HTRA3: variants seen among roughly 807,000 people sequenced by gnomAD.
The protein encoded by HTRA3 is HtrA serine peptidase 3.
A neutral mutation model predicts 43.2 loss-of-function variants in HTRA3; 41 were observed. The observed-to-expected ratio is 0.95, with a 90% CI of 0.74 to 1.23. HTRA3 has a LOEUF of 1.23. HTRA3 is among the 50% of genes most tolerant of loss of function. The pLI is 0.00. For synonymous variants in HTRA3, 295 were observed against 287.9 expected, an observed-to-expected ratio of 1.02 and a Z score of -0.25; for missense variants, 628 against 647.1, an observed-to-expected ratio of 0.97 and a Z score of 0.32.
intron 8 of HTRA3, among the ~76,000 whole-genome samples, chr4:8,304,662 T>G (rs949712686): frequency 5.8e-5 from 8 of 137,286 alleles, no homozygotes; most frequent in Non-Finnish European, 1.1e-4. Context: ...TTTTTTTTTT[T>G]TTTTTTTTTT....
rs944795556 is a variant in HTRA3, at chr4:8,279,911, C to T, written c.386-2526C>T. ...ACTTGACCCTTGCCCCCAGCTGAAC[C>T]ACTGTGTCTCCAGCAGCTGTCACAG... On this transcript the variant is annotated intron_variant, in intron 1 of 8. Transcript: ENST00000307358. The surrounding 1 kb of genome is among the most constrained non-coding windows in gnomAD (Gnocchi z 7.4). Among the ~76,000 whole-genome samples the T allele has an allele frequency of 6.6e-6, 1 of 152,222 alleles. No homozygotes were observed. The highest frequency in any genetic ancestry group is 1.5e-5 in the Non-Finnish European group (1 of 68,038).
intron 1 of HTRA3, among the ~76,000 whole-genome samples, chr4:8,274,550 C>T (rs1712441199): frequency 1.3e-5 from 2 of 152,244 alleles, no homozygotes; most frequent in South Asian, 2.1e-4. Context: ...TCTCCTCTAA[C>T]CCTCTGGGCC....
intron 3 of HTRA3, among the ~76,000 whole-genome samples, chr4:8,287,526 G>C (rs4557246): frequency 0.61 from 92,056 of 151,362 alleles, 28,511 homozygotes; most frequent in East Asian, 0.82. Flanking sequence ...GGGAAGCAGG[G>C]ACATCTTCTC....
Position 8,304,211 on chromosome 4 carries a change from C to T in HTRA3, c.1128C>T (p.Asn376=). 1 of 1,614,170 alleles carries T rather than the reference C, an allele frequency of 6.2e-7. No homozygotes were observed. Among genetic ancestry groups the T allele is most frequent in the Non-Finnish European group, 8.5e-7 (1 of 1,180,024 alleles). The change falls in exon 8 of 9, where the codon AAC becomes AAT. Residue 376 remains asparagine, a synonymous_variant. Transcript: ENST00000307358. ...TGGTGGATGAGCTGAAGGCCAGCAA[C>T]CCGGACTTCCCAGAGGTCAGCAGTG... ...PSLVDELKAS[N]PDFPEVSSGI...
Position 8,295,644 on chromosome 4 carries a change from G to A in HTRA3, c.1051+1443G>A. The A allele has an allele frequency of 7.4e-7, 1 of 1,356,038 alleles. No homozygotes were observed. The highest frequency in any genetic ancestry group is 9.5e-7 in the Non-Finnish European group (1 of 1,047,410). 84.0% of individuals were successfully genotyped at this position (1,356,038 alleles called of 1,614,324 possible). On this transcript the variant is annotated intron_variant, in intron 6 of 8. Coordinates refer to ENST00000307358, the MANE Select transcript of HTRA3 (RefSeq NM_053044.5). This position sits in a 1 kb window ranked among gnomAD's most constrained non-coding sequence, Gnocchi z 6.9. ...GTGCCCACCTCCTGGCCAACGCCCA[G>A]GCCTGACTCAGCAACTCACACTTCC...
intron 6 of HTRA3, among the ~76,000 whole-genome samples, chr4:8,301,878 T>A (rs1363176499): frequency 1.3e-5 from 2 of 152,236 alleles, no homozygotes; most frequent in Admixed American, 1.3e-4. Flanking sequence ...TTATATAAAA[T>A]GAAAATTCTA....
chr4:8,291,266 G>A, intron 3 of HTRA3, 104 bp from the exon 4 acceptor site: 1 of 987,726 alleles, frequency 1.0e-6, no homozygotes, highest in Non-Finnish European at 1.6e-6. Flanking sequence ...TTGCACAGAT[G>A]TGCATGCCTT....
At chr4:8,302,326 C>T (rs1578808441) in intron 6 of HTRA3, 137 bp from the exon 7 acceptor site, 1 of 769,578 alleles carries the variant, frequency 1.3e-6, no homozygotes. Flanking sequence ...CGCAGGGGGA[C>T]TGGGCCAGCT....
intron 1 of HTRA3, among the ~76,000 whole-genome samples, chr4:8,272,898 C>A (rs1425778959): frequency 2.0e-5 from 3 of 152,196 alleles, no homozygotes; most frequent in Non-Finnish European, 2.9e-5. Flanking sequence ...ACACTGTGGG[C>A]GGTGTGCAGC....
intron 6 of HTRA3, among the ~76,000 whole-genome samples, chr4:8,301,042 C>G (rs1305013424): frequency 6.7e-6 from 1 of 148,774 alleles, no homozygotes; most frequent in East Asian, 2.0e-4. Context: ...TTGATTCACA[C>G]TCTCAGCTTT....
chr4:8,293,101 C>G (rs753047089), intron 5 of HTRA3, among the ~76,000 whole-genome samples: 38 of 152,122 alleles, frequency 2.5e-4, no homozygotes, highest in Admixed American at 7.2e-4. Context: ...GGAGGTCAGA[C>G]AAGGGGACAA....
At chr4:8,301,408 C>T (rs1317042690) in intron 6 of HTRA3, among the ~76,000 whole-genome samples, 1 of 151,784 alleles carries the variant, frequency 6.6e-6, no homozygotes, top group Non-Finnish European at 1.5e-5. Flanking sequence ...TATTGATTCA[C>T]ACTATCAGCT....
At position 8,297,937 on chromosome 4, in the gene HTRA3, T is replaced by TTGTCCCTC. The variant is rs1007073303; in HGVS notation, c.1051+3755_1051+3762dup. Among the ~76,000 whole-genome samples the TTGTCCCTC allele has an allele frequency of 1.1e-4, 16 of 152,160 alleles. No homozygotes were observed. Among genetic ancestry groups the TTGTCCCTC allele is most frequent in the Non-Finnish European group, 1.3e-4 (9 of 68,024 alleles). On this transcript the variant is annotated intron_variant, in intron 6 of 8. Coordinates refer to ENST00000307358, the MANE Select transcript of HTRA3 (RefSeq NM_053044.5). The surrounding 1 kb of genome is among the most constrained non-coding windows in gnomAD (Gnocchi z 5.8). ...CCGTCCCCACTGAGTTATGTCAGCC[T>TTGTCCCTC]TGTCCCTCTGTCCCTCTGTCCCTCT...
intron 8 of HTRA3, among the ~76,000 whole-genome samples, 192 bp downstream of exon 8, chr4:8,304,471 C>A (rs1169280984): frequency 1.3e-5 from 2 of 152,066 alleles, no homozygotes; most frequent in Non-Finnish European, 2.9e-5. Context: ...TGACTGTGTA[C>A]GTCCTAAGTC....
At chr4:8,285,220 A>C (rs914719452) in intron 2 of HTRA3, among the ~76,000 whole-genome samples, 11 of 152,198 alleles carry the variant, frequency 7.2e-5, no homozygotes, top group African/African-American at 2.4e-4. Flanking sequence ...TTCCAAATAA[A>C]GTCACATTCA....
chr4:8,277,874 G>A (rs575683004), intron 1 of HTRA3, among the ~76,000 whole-genome samples: 5 of 152,346 alleles, frequency 3.3e-5, no homozygotes, highest in Admixed American at 1.3e-4. Context: ...GGTGGCAGAG[G>A]GGTCTGCTAA....
chr4:8,294,960 CA>C (rs1713404570), intron 6 of HTRA3, among the ~76,000 whole-genome samples: 1 of 150,850 alleles, frequency 6.6e-6, no homozygotes, highest in African/African-American at 2.4e-5. Flanking sequence ...TCCGTCCATC[CA>C]TCATCCATCC....
rs1354673382 is a variant in HTRA3, at chr4:8,297,601, G to A, written c.1051+3400G>A. On this transcript the variant is annotated intron_variant, in intron 6 of 8. Coordinates refer to ENST00000307358, the MANE Select transcript of HTRA3 (RefSeq NM_053044.5). This position sits in a 1 kb window ranked among gnomAD's most constrained non-coding sequence, Gnocchi z 5.8. ...TGACGGGGCAGGAGACCTCTCTGAGGAGGTGACCCACCTCCAGCAGAGACT... is the reference window on the plus strand; with the variant it reads ...TGACGGGGCAGGAGACCTCTCTGAGAAGGTGACCCACCTCCAGCAGAGACT... Among the ~76,000 whole-genome samples, 1 of 152,078 alleles carries A rather than the reference G, an allele frequency of 6.6e-6. No individual in the cohort carries two copies. Among genetic ancestry groups the A allele is most frequent in the Non-Finnish European group, 1.5e-5 (1 of 67,996 alleles).
rs1406840797 is a variant in HTRA3 at position 8,279,190 on chromosome 4, C to T, written c.386-3247C>T. On this transcript the variant is annotated intron_variant, in intron 1 of 8. Transcript: ENST00000307358. This position sits in a 1 kb window ranked among gnomAD's most constrained non-coding sequence, Gnocchi z 7.4. The stretch of plus-strand genomic sequence containing the variant: ...CAGGCCACCTCCCAGCCCAGCCCCA[C>T]GGCCCTTCTGTCTCAGGCCTTGCTC... Among the ~76,000 whole-genome samples the T allele has an allele frequency of 1.3e-5, 2 of 152,160 alleles. No individual in the cohort carries two copies. The highest frequency in any genetic ancestry group is 1.9e-4 in the East Asian group (1 of 5,178).
Sources: gnomAD v4.1 joint callset for allele counts (sites outside exome capture counted in the v4.1 genomes callset) on GRCh38, gnomAD v4.1.1 for gene constraint, Gnocchi (gnomAD v3.1) non-coding constraint, MANE v1.5 for transcripts, NCBI Gene and HGNC (gene_info 2026-07-23, HGNC 2026-07-21) for gene names.